Variants in PHOX2B observed in about 807,000 individuals in gnomAD.
The protein encoded by PHOX2B is paired like homeobox 2B.
Under a neutral mutation model 15.5 loss-of-function variants are expected in PHOX2B, and 1 was observed. The observed-to-expected ratio is 0.06, with a 90% CI of 0.02 to 0.31. PHOX2B has a LOEUF of 0.31. Among genes scored for constraint, PHOX2B ranks in the 10% least tolerant of loss-of-function variants. The pLI is 1.00. For missense variants in PHOX2B, 314 were observed against 436.4 expected, an observed-to-expected ratio of 0.72 and a Z score of 2.50; for synonymous variants, 206 against 190.5, an observed-to-expected ratio of 1.08 and a Z score of -0.67.
In PHOX2B at chr4:41,744,215, C is replaced by A. The variant is rs1415949335; in HGVS notation, c.*1592G>T. 9.5e-6 allele frequency: 2 copies of A among 211,288 alleles called. No individual in the cohort carries two copies. Among genetic ancestry groups the A allele is most frequent in the African/African-American group, 4.5e-5 (2 of 44,014 alleles). 13.1% of individuals were successfully genotyped at this position (211,288 alleles called of 1,614,324 possible). ...AACACATATAAATAAATTCAAAAAT[C>A]TGAAACATAACTTATGACAATTATG... On this transcript the variant is annotated 3_prime_UTR_variant, in exon 3 of 3. Coordinates refer to ENST00000226382, the MANE Select transcript of PHOX2B (RefSeq NM_003924.4).
Position 41,746,108 on chromosome 4 carries a change from C to A in PHOX2B, c.644G>T (p.Gly215Val). 1 of 1,582,800 alleles carries A rather than the reference C, an allele frequency of 6.3e-7. No individual in the cohort carries two copies. The highest frequency in any genetic ancestry group is 1.1e-5 in the South Asian group (1 of 88,486). ...TPSCGANGGG[G>V]GGPSPAGAPG... ...AGCTCCAGCCGGGCTGGGCCCGCCG[C>A]CGCCGCCTCCATTCGCCCCGCAGCT... The change falls in exon 3 of 3, where the codon GGC (glycine) becomes GTC (valine). Residue 215 changes from glycine (G) to valine (V), a missense_variant. Coordinates refer to ENST00000226382, the MANE Select transcript of PHOX2B (RefSeq NM_003924.4).
Position 41,745,865 on chromosome 4 carries a change from G to C in PHOX2B, c.887C>G (p.Ser296Cys). 1 of 1,609,664 alleles carries C rather than the reference G, an allele frequency of 6.2e-7. No homozygotes were observed. Among genetic ancestry groups the C allele is most frequent in the Non-Finnish European group, 8.5e-7 (1 of 1,178,070 alleles). ...GGCACCGTTGGGTCTTTGGAGCGAA[G>C]ATAGGACGCTGGCGAAGGGACCCCC... Reference protein sequence around the residue: ...SLGGPFASVLSSLQRPNGAKA... With the variant: ...SLGGPFASVLCSLQRPNGAKA... Residue 296 changes from serine to cysteine, a missense_variant, in exon 3 of 3, where the codon TCT (serine) becomes TGT (cysteine). Ser to Cys is a moderately radical substitution (Grantham distance 112). Transcript: ENST00000226382. This position sits in a 1 kb window ranked among gnomAD's most constrained non-coding sequence, Gnocchi z 4.0.
In PHOX2B at chr4:41,745,008, C is replaced by G. The variant is rs1420797968; in HGVS notation, c.*799G>C. 4.3e-6 allele frequency: 1 copy of G among 232,996 alleles called. No individual in the cohort carries two copies. The highest frequency in any genetic ancestry group is 8.5e-6 in the Non-Finnish European group (1 of 118,052). 14.4% of individuals were successfully genotyped at this position (232,996 alleles called of 1,614,324 possible). A position where few individuals can be genotyped will look rare whatever the true frequency, so the allele number is the denominator to read the frequency against. On this transcript the variant is annotated 3_prime_UTR_variant, in exon 3 of 3. Transcript: ENST00000226382. The surrounding 1 kb of genome is among the most constrained non-coding windows in gnomAD (Gnocchi z 4.0). ...GCGCTAATGGCGGGATGGTGTTCAGCGAGGTGGGACAGGCAAGGGGGTGCG... is the reference window on the plus strand; with the variant it reads ...GCGCTAATGGCGGGATGGTGTTCAGGGAGGTGGGACAGGCAAGGGGGTGCG...
At chr4:41,747,808 G>A in intron 1 of PHOX2B, 1 of 642,432 alleles carries the variant, frequency 1.6e-6, no homozygotes, top group Admixed American at 2.1e-5. Context: ...TTGAGATAGT[G>A]CTTTCAGCAG....
In PHOX2B at chr4:41,745,950, C is replaced by A. The variant is rs758728895; in HGVS notation, c.802G>T (p.Gly268Cys). The A allele has an allele frequency of 6.8e-7, 1 of 1,475,892 alleles. No individual in the cohort carries two copies. Among genetic ancestry groups the A allele is most frequent in the Admixed American group, 2.1e-5 (1 of 48,370 alleles). 91.4% of individuals were successfully genotyped at this position (1,475,892 alleles called of 1,614,324 possible). The change falls in exon 3 of 3, where the codon GGC becomes TGC. Residue 268 changes from glycine to cysteine, a missense_variant. Gly to Cys is a radical substitution (Grantham distance 159). Transcript: ENST00000226382. This position sits in a 1 kb window ranked among gnomAD's most constrained non-coding sequence, Gnocchi z 4.0. ...AAAGGLAAAG[G>C]PGQGWAPGPG... ...CCGGGAGCCCAGCCTTGTCCAGGGCCCCCAGCCGCAGCCAGGCCTCCAGCT... is the reference window on the plus strand; with the variant it reads ...CCGGGAGCCCAGCCTTGTCCAGGGCACCCAGCCGCAGCCAGGCCTCCAGCT...
intron 1 of PHOX2B, among the ~76,000 whole-genome samples, chr4:41,747,905 G>A (rs1052791754): frequency 6.6e-6 from 1 of 152,048 alleles, no homozygotes; most frequent in Admixed American, 6.6e-5. Flanking sequence ...TCCCACTTTG[G>A]GAACTTTTCA....
chr4:41,748,232 G>A (rs548642509), intron 1 of PHOX2B, 138 bp downstream of exon 1: 2 of 942,160 alleles, frequency 2.1e-6, no homozygotes, highest in South Asian at 1.6e-5. Flanking sequence ...CGCTTCTAAC[G>A]TGATAAATTC....
rs1400968859 is a variant in PHOX2B at position 41,744,820 on chromosome 4, C to G, written c.*987G>C. ...AAAAGCTGGTGGAAGAAGAAAATGC[C>G]GACGGGGTAGGCGGGAGCGAGGGGG... On this transcript the variant is annotated 3_prime_UTR_variant, in exon 3 of 3. Coordinates refer to ENST00000226382, the MANE Select transcript of PHOX2B (RefSeq NM_003924.4). The G allele has an allele frequency of 4.3e-6, 1 of 233,622 alleles. No individual in the cohort carries two copies. The highest frequency in any genetic ancestry group is 8.5e-6 in the Non-Finnish European group (1 of 118,062). The allele number at this position is 233,622 out of a possible 1,614,324, so 14.5% of individuals were successfully genotyped here. A position where few individuals can be genotyped will look rare whatever the true frequency, so the allele number is the denominator to read the frequency against.
At position 41,746,327 on chromosome 4, in the gene PHOX2B, C is replaced by T. The variant is rs751132977; in HGVS notation, c.430-5G>A. ...GCGGCGGTTCTGGAACCACACCTGG[C>T]CCAAGACGGAAGGAGAGACGGTGAA... On this transcript the variant is annotated splice_polypyrimidine_tract_variant and splice_region_variant and intron_variant, in intron 2 of 2. Coordinates refer to ENST00000226382, the MANE Select transcript of PHOX2B (RefSeq NM_003924.4). The T allele has an allele frequency of 6.2e-7, 1 of 1,613,600 alleles. No homozygotes were observed. The highest frequency in any genetic ancestry group is 8.5e-7 in the Non-Finnish European group (1 of 1,179,804).
In PHOX2B at chr4:41,747,582, G is replaced by A. The variant is rs781184674; in HGVS notation, c.242-46C>T. On this transcript the variant is annotated intron_variant, in intron 1 of 2. Coordinates refer to ENST00000226382, the MANE Select transcript of PHOX2B (RefSeq NM_003924.4). ...CAGAAAGTGAGCAAATCAGCCGGCA[G>A]CTCGCCGGCCGTGGAGCTAGAATGT... 7 of 1,522,830 alleles carry A rather than the reference G, an allele frequency of 4.6e-6. No individual in the cohort carries two copies. The Admixed American group carries it at 6.7e-5, about 15-fold the overall frequency. The allele number at this position is 1,522,830 out of a possible 1,614,324, so 94.3% of individuals were successfully genotyped here. A position where few individuals can be genotyped will look rare whatever the true frequency, so the allele number is the denominator to read the frequency against.
At chr4:41,747,254 G>C (rs576512130) in intron 2 of PHOX2B, 95 bp downstream of exon 2, 26 of 1,025,732 alleles carry the variant, frequency 2.5e-5, no homozygotes, top group African/African-American at 9.4e-5. Flanking sequence ...CTTCTCACTC[G>C]AGGCTCCAGG....
rs1212119186 is a variant in PHOX2B at position 41,745,740 on chromosome 4, C to A, written c.*67G>T. 1.3e-6 allele frequency: 2 copies of A among 1,551,094 alleles called. No individual in the cohort carries two copies. ...AATAGCCTTGGGCCTACCCGCTCGC[C>A]CACTCGCCCGCCCGGGCCCTGGCTC... is the stretch of plus-strand genomic sequence containing the variant. On this transcript the variant is annotated 3_prime_UTR_variant, in exon 3 of 3. Transcript: ENST00000226382. This position sits in a 1 kb window ranked among gnomAD's most constrained non-coding sequence, Gnocchi z 4.0.
chr4:41,747,782 G>A, intron 1 of PHOX2B: 1 of 679,898 alleles, frequency 1.5e-6, no homozygotes, highest in African/African-American at 1.8e-5. Flanking sequence ...GATTGAAACA[G>A]CGCGATGTGA....
At chr4:41,746,414 T>C (rs1344346051) in intron 2 of PHOX2B, 92 bp from the exon 3 acceptor site, 16 of 1,322,170 alleles carry the variant, frequency 1.2e-5, no homozygotes, top group Admixed American at 2.0e-5. Context: ...CAAGTTCTAC[T>C]TCGGCTTGTT....
Position 41,745,975 on chromosome 4 carries a change from T to G in PHOX2B, c.777A>C (p.Ala259=). ...AAAAAAAAAA[A]AGGLAAAGGP... ...CCCCAGCCGCAGCCAGGCCTCCAGC[T>G]GCCGCCGCTGCCGCTGCCGCCGCCG... Residue 259 remains alanine, a synonymous_variant, in exon 3 of 3, where the codon GCA becomes GCC. Coordinates refer to ENST00000226382, the MANE Select transcript of PHOX2B (RefSeq NM_003924.4). This position sits in a 1 kb window ranked among gnomAD's most constrained non-coding sequence, Gnocchi z 4.0. 7.8e-7 allele frequency: 1 copy of G among 1,288,322 alleles called. No homozygotes were observed. The highest frequency in any genetic ancestry group is 9.8e-7 in the Non-Finnish European group (1 of 1,020,772). The allele number at this position is 1,288,322 out of a possible 1,614,324, so 79.8% of individuals were successfully genotyped here.
chr4:41,747,144 C>A (rs571738621), intron 2 of PHOX2B, among the ~76,000 whole-genome samples: 1 of 152,292 alleles, frequency 6.6e-6, no homozygotes, highest in Admixed American at 6.5e-5. Context: ...AAACACTTCG[C>A]AACTGTAAAT....
chr4:41,747,880 G>GA (rs1293476320), intron 1 of PHOX2B, among the ~76,000 whole-genome samples: 4 of 152,140 alleles, frequency 2.6e-5, no homozygotes, highest in Non-Finnish European at 5.9e-5. Flanking sequence ...AGCCAGGAAA[G>GA]AAGTTACCAA....
chr4:41,748,529 A>C lies in PHOX2B; in HGVS notation c.82T>G (p.Ser28Ala). ...MAGMDTSSLASAYADFSSCSQ... is the reference protein window; with the variant it reads ...MAGMDTSSLAAAYADFSSCSQ... ...CAGGAACTGAAGTCAGCATAGGCTG[A>C]AGCCAGGCTCGAGGTGTCCATCCCA... The change falls in exon 1 of 3, where the codon TCA becomes GCA. Residue 28 changes from serine (S) to alanine (A), a missense_variant. By Grantham distance (99) the Ser-to-Ala change is moderately conservative. Transcript: ENST00000226382. 1 of 1,614,190 alleles carries C rather than the reference A, an allele frequency of 6.2e-7. No homozygotes were observed. Among genetic ancestry groups the C allele is most frequent in the Non-Finnish European group, 8.5e-7 (1 of 1,180,000 alleles).
In PHOX2B at chr4:41,747,331, G is replaced by T; in HGVS notation, c.429+18C>A. On this transcript the variant is annotated intron_variant, in intron 2 of 2. Transcript: ENST00000226382. ...GGACCAGTGCGGCGGAGCGGGGTCG[G>T]TTTCCAGGCGCGCGTACCTGGACTC... is the stretch of plus-strand genomic sequence containing the variant. The T allele has an allele frequency of 1.2e-6, 2 of 1,600,420 alleles. No homozygotes were observed. The highest frequency in any genetic ancestry group is 1.7e-6 in the Non-Finnish European group (2 of 1,177,556).
Sources: allele counts gnomAD v4.1 joint callset (sites outside exome capture counted in the v4.1 genomes callset), GRCh38; gene constraint gnomAD v4.1.1; non-coding constraint Gnocchi (gnomAD v3.1); transcripts MANE v1.5; gene names NCBI Gene and HGNC (gene_info 2026-07-23, HGNC 2026-07-21).